The following STAB2 variants were observed in gnomAD, a reference collection of about 807,000 sequenced individuals.
STAB2 encodes stabilin-2.
Under a neutral mutation model 338.1 loss-of-function variants are expected in STAB2, and 288 were observed. The observed-to-expected ratio is 0.85, with a 90% CI of 0.77 to 0.94. The LOEUF (loss-of-function observed/expected upper bound fraction) is 0.94. Among genes scored for constraint, STAB2 ranks in the 40% least tolerant of loss-of-function variants. The pLI is 0.00. For synonymous variants in STAB2, 1,202 were observed against 1,193.3 expected (o/e 1.01, Z -0.15); for missense variants, 3,141 against 3,210.1 (o/e 0.98, Z 0.52).
chr12:103,616,914 G>T (rs1376388435), intron 3 of STAB2, among the ~76,000 whole-genome samples: 1 of 152,208 alleles, frequency 6.6e-6, no homozygotes, highest in Non-Finnish European at 1.5e-5. Flanking sequence ...TTGGTTTTCA[G>T]ATTGGCTCCC....
rs1957503920 is a variant in STAB2 at position 103,633,901 on chromosome 12, T to C, written c.583+2208T>C. ...ATTCCTACAACCTACGGGAGAAATT[T>C]ATTTACTAAATTTGAAGGTATGCTT... On this transcript the variant is annotated intron_variant, in intron 6 of 68. Transcript: ENST00000388887. Among the ~76,000 whole-genome samples the C allele has an allele frequency of 2.0e-5, 3 of 152,232 alleles. 1 individual carries two copies. The highest frequency in any genetic ancestry group is 2.0e-4 in the Admixed American group (3 of 15,280).
chr12:103,589,525 TCA>T (rs1437779627), intron 1 of STAB2, among the ~76,000 whole-genome samples: 1 of 152,228 alleles, frequency 6.6e-6, no homozygotes, highest in Admixed American at 6.5e-5. Context: ...TGCTCTATGC[TCA>T]GTTTTACCTC....
rs554788442 is a variant in STAB2 at position 103,758,762 on chromosome 12, A to C, written c.7108-371A>C. Among the ~76,000 whole-genome samples the C allele has an allele frequency of 3.3e-5, 5 of 152,346 alleles. No homozygotes were observed. In the South Asian group the frequency reaches 1.0e-3, roughly 32 times the overall value. On this transcript the variant is annotated intron_variant, in intron 64 of 68. Coordinates refer to ENST00000388887, the MANE Select transcript of STAB2 (RefSeq NM_017564.10). The stretch of plus-strand genomic sequence containing the variant: ...TCTGTGTTCCACACCAACCTTCTTC[A>C]TATCACGGCACACAGAGGATTGGCG...
At chr12:103,640,088 G>C (rs769417312) in intron 8 of STAB2, 35 bp from the exon 9 acceptor site, 2 of 1,574,654 alleles carry the variant, frequency 1.3e-6, no homozygotes, top group Non-Finnish European at 1.7e-6. Flanking sequence ...AACTAACTAG[G>C]ATCCTATTTG....
At chr12:103,670,872 G>GCACCC in intron 22 of STAB2, 65 bp downstream of exon 22, 1 of 1,361,800 alleles carries the variant, frequency 7.3e-7, no homozygotes, top group Non-Finnish European at 1.0e-6. Flanking sequence ...CTGCAGCAGG[G>GCACCC]TGCTGGTGCA....
At chr12:103,680,216 T>A (rs1321875093) in intron 25 of STAB2, among the ~76,000 whole-genome samples, 3 of 152,200 alleles carry the variant, frequency 2.0e-5, no homozygotes, top group Admixed American at 6.5e-5. Context: ...GTAATGATGG[T>A]TGTACACGAA....
intron 3 of STAB2, among the ~76,000 whole-genome samples, chr12:103,619,463 T>G (rs953837966): frequency 6.6e-6 from 1 of 152,212 alleles, no homozygotes; most frequent in African/African-American, 2.4e-5. Context: ...TTTTTAATTC[T>G]CTATTTGATT....
At chr12:103,619,812 C>T (rs990165984) in intron 3 of STAB2, among the ~76,000 whole-genome samples, 1 of 146,466 alleles carries the variant, frequency 6.8e-6, no homozygotes. Flanking sequence ...CCCCATAAAA[C>T]TCTGTCATTC....
chr12:103,725,310 C>G (rs144748364), intron 45 of STAB2, among the ~76,000 whole-genome samples: 1 of 152,094 alleles, frequency 6.6e-6, no homozygotes, highest in Non-Finnish European at 1.5e-5. Flanking sequence ...TAAGGTGGAC[C>G]GACAGCTCTG....
chr12:103,743,791 T>C (rs1468070730), intron 56 of STAB2, among the ~76,000 whole-genome samples: 1 of 152,156 alleles, frequency 6.6e-6, no homozygotes, highest in Admixed American at 6.5e-5. Flanking sequence ...AGAAGCCAGC[T>C]TGGTGTGTAC....
At chr12:103,594,812 G>A (rs854249) in intron 3 of STAB2, among the ~76,000 whole-genome samples, 26,891 of 151,958 alleles carry the variant, frequency 0.18, 2,743 homozygotes, top group Non-Finnish European at 0.22. Flanking sequence ...CAAAACCTGG[G>A]CTATTAGGAC....
chr12:103,704,482 C>A (rs572030042), intron 35 of STAB2, 76 bp from the exon 36 acceptor site: 4 of 1,465,584 alleles, frequency 2.7e-6, no homozygotes, highest in African/African-American at 2.8e-5. Context: ...CAAAAACCTT[C>A]ATTTCCAAGT....
At chr12:103,690,276 A>G (rs1877810669) in intron 29 of STAB2, 148 bp from the exon 30 acceptor site, 1 of 746,202 alleles carries the variant, frequency 1.3e-6, no homozygotes, top group South Asian at 1.9e-5. Context: ...GTGGTTGAGT[A>G]ACTAACTCTA....
At chr12:103,676,054 G>GTTTC (rs1555236150) in intron 24 of STAB2, 33 bp downstream of exon 24, 1 of 1,037,728 alleles carries the variant, frequency 9.6e-7, no homozygotes, top group Admixed American at 3.3e-5. Flanking sequence ...ACCCTGCCTG[G>GTTTC]TTTCTTTTTT....
rs1165518201 is a variant in STAB2 at position 103,670,219 on chromosome 12, A to T, written c.2260-477A>T. ...GAATAGGGAGAGGCCAGTACAAATG[A>T]CTGCGGCCAGGGGTTAGAAAGGGCC... On this transcript the variant is annotated intron_variant, in intron 21 of 68. Coordinates refer to ENST00000388887, the MANE Select transcript of STAB2 (RefSeq NM_017564.10). Among the ~76,000 whole-genome samples the T allele has an allele frequency of 6.6e-5, 10 of 152,302 alleles. 2 individuals carry two copies. Among genetic ancestry groups the T allele is most frequent in the Admixed American group, 6.5e-4 (10 of 15,302 alleles).
At position 103,635,569 on chromosome 12, in the gene STAB2, G is replaced by A. The variant is rs892319036; in HGVS notation, c.584-1542G>A. On this transcript the variant is annotated intron_variant, in intron 6 of 68. Coordinates refer to ENST00000388887, the MANE Select transcript of STAB2 (RefSeq NM_017564.10). ...CAGCCAGGAGCCCCAGACTGCGCAG[G>A]CCCATGCCTCAGCCCAGGGGAAGGC... Among the ~76,000 whole-genome samples the A allele has an allele frequency of 2.0e-5, 3 of 152,164 alleles. No homozygotes were observed. The South Asian group carries it at 6.2e-4, about 32-fold the overall frequency.
intron 22 of STAB2, among the ~76,000 whole-genome samples, chr12:103,672,856 T>C (rs1222613309): frequency 6.6e-6 from 1 of 152,224 alleles, no homozygotes; most frequent in Non-Finnish European, 1.5e-5. Context: ...TATAATGATC[T>C]ACGGTGTTTA....
chr12:103,661,740 G>A (rs570274530), intron 17 of STAB2, among the ~76,000 whole-genome samples: 2 of 152,156 alleles, frequency 1.3e-5, no homozygotes, highest in Non-Finnish European at 2.9e-5. Flanking sequence ...TGAATATCCG[G>A]GGGACATTCC....
At chr12:103,668,942 A>C in intron 20 of STAB2, 1 of 509,358 alleles carries the variant, frequency 2.0e-6, no homozygotes, top group Non-Finnish European at 3.5e-6. Flanking sequence ...CTCTTAACAC[A>C]GATCACACTC....
Sources: allele counts gnomAD v4.1 joint callset (sites outside exome capture counted in the v4.1 genomes callset), GRCh38; gene constraint gnomAD v4.1.1; transcripts MANE v1.5; gene names NCBI Gene and HGNC (gene_info 2026-07-23, HGNC 2026-07-21).